The following LDB1 variants were observed in gnomAD, a reference collection of about 807,000 sequenced individuals.
The protein encoded by LDB1 is LIM domain binding 1.
A neutral mutation model predicts 49.7 loss-of-function variants in LDB1; 6 were observed. The observed-to-expected ratio is 0.12, with a 90% CI of 0.07 to 0.24. LDB1 has a LOEUF of 0.24. LDB1 is among the 10% of genes least tolerant of loss of function. LDB1 has a pLI of 1.00. For missense variants in LDB1, 341 were observed against 561.7 expected (o/e 0.61, Z 3.97); for synonymous variants, 233 against 202.0 (o/e 1.15, Z -1.30).
chr10:102,117,547 C>T lies in LDB1; in HGVS notation c.25+2539G>A, dbSNP rs2068350165. On this transcript the variant is annotated intron_variant, in intron 1 of 10. Coordinates refer to ENST00000673968, the MANE Select transcript of LDB1 (RefSeq NM_001113407.3). This position sits in a 1 kb window ranked among gnomAD's most constrained non-coding sequence, Gnocchi z 4.2. ...TACCAGCACTGCCCCCTGCCCGGGCCCCTGGGGCTCCCTGACCCAGGCCTC... is the reference window on the plus strand; with the variant it reads ...TACCAGCACTGCCCCCTGCCCGGGCTCCTGGGGCTCCCTGACCCAGGCCTC... 6.6e-6 allele frequency among the ~76,000 whole-genome samples: 1 copy of T among 152,118 alleles called. No homozygotes were observed. The highest frequency in any genetic ancestry group is 1.5e-5 in the Non-Finnish European group (1 of 68,006).
At chr10:102,114,495 A>T (rs2068304273) in intron 1 of LDB1, 1 of 986,172 alleles carries the variant, frequency 1.0e-6, no homozygotes, top group African/African-American at 1.7e-5. Context: ...ACGGGGGGAC[A>T]ACTTCAGCAG....
chr10:102,110,305 ATGAGGGCAGACTCT>A, intron 6 of LDB1: 1 of 623,758 alleles, frequency 1.6e-6, no homozygotes, highest in Non-Finnish European at 2.8e-6. Context: ...TCTAAGCTAT[ATGAGGGCAGACTCT>A]TGTTCACTCG....
rs2068399042 is a variant in LDB1 at position 102,120,199 on chromosome 10, C to A, written c.-89G>T. 9.5e-7 allele frequency: 1 copy of A among 1,052,260 alleles called. No homozygotes were observed. Among genetic ancestry groups the A allele is most frequent in the Non-Finnish European group, 1.1e-6 (1 of 872,890 alleles). The allele number at this position is 1,052,260 out of a possible 1,614,324, so 65.2% of individuals were successfully genotyped here. A position where few individuals can be genotyped will look rare whatever the true frequency, so the allele number is the denominator to read the frequency against. On this transcript the variant is annotated 5_prime_UTR_variant, in exon 1 of 11. Transcript: ENST00000673968. Reference sequence around the variant, plus strand: ...CCGGGCATGAGCCGCCGCCGCCGCCCGCGGCCCCCGCTGCGCTCGCCGCCG... The same window carrying A: ...CCGGGCATGAGCCGCCGCCGCCGCCAGCGGCCCCCGCTGCGCTCGCCGCCG...
At chr10:102,116,304 C>T (rs1329463014) in intron 1 of LDB1, among the ~76,000 whole-genome samples, 2 of 152,198 alleles carry the variant, frequency 1.3e-5, no homozygotes, top group Non-Finnish European at 2.9e-5. Flanking sequence ...GCCTCAGCCT[C>T]CTGAGTAGCT....
downstream of LDB1, among the ~76,000 whole-genome samples, chr10:102,103,910 A>C (rs529168221): frequency 4.0e-4 from 61 of 152,242 alleles, no homozygotes; most frequent in African/African-American, 1.4e-3. Flanking sequence ...AAAAATAAAA[A>C]ATAAAAAAAT....
Position 102,109,622 on chromosome 10 carries a change from T to A in LDB1, c.710A>T (p.Asn237Ile), listed in dbSNP as rs759369989. The change falls in exon 8 of 11, where the codon AAT becomes ATT. Residue 237 changes from asparagine to isoleucine, a missense_variant. Asn to Ile is a moderately radical substitution (Grantham distance 149). Coordinates refer to ENST00000673968, the MANE Select transcript of LDB1 (RefSeq NM_001113407.3). This position sits in a 1 kb window ranked among gnomAD's most constrained non-coding sequence, Gnocchi z 5.8. Reference protein sequence around the residue: ...SKNITRCGLSNSTLNYLRLCV... With the variant: ...SKNITRCGLSISTLNYLRLCV... ...CACTCGGAGGTAGTTGAGAGTGGAA[T>A]TGGACAGCCCACACCGAGTGATGTT... is the stretch of plus-strand genomic sequence containing the variant. The A allele has an allele frequency of 1.9e-6, 3 of 1,614,036 alleles. No homozygotes were observed. Among genetic ancestry groups the A allele is most frequent in the Non-Finnish European group, 1.7e-6 (2 of 1,179,982 alleles).
intron 6 of LDB1, chr10:102,110,290 C>A (rs560083613): frequency 1.6e-6 from 1 of 622,490 alleles, no homozygotes; most frequent in Admixed American, 3.0e-5. Context: ...GATACACCCA[C>A]CTGCTCTAAG....
intron 1 of LDB1, chr10:102,114,296 C>A: frequency 1.0e-6 from 1 of 982,254 alleles, no homozygotes; most frequent in Non-Finnish European, 1.2e-6. Context: ...GCCTGAGCGC[C>A]CCGGCGGCTC....
chr10:102,111,942 T>G (rs1000151858), intron 1 of LDB1, among the ~76,000 whole-genome samples: 7 of 152,120 alleles, frequency 4.6e-5, no homozygotes, highest in Non-Finnish European at 1.5e-5. Context: ...TGGAGCTCCC[T>G]GGCCTGATTA....
Position 102,107,998 on chromosome 10 carries a change from T to C in LDB1, c.*95A>G, listed in dbSNP as rs1324042489. The C allele has an allele frequency of 9.9e-7, 1 of 1,007,788 alleles. No homozygotes were observed. Among genetic ancestry groups the C allele is most frequent in the East Asian group, 2.4e-5 (1 of 42,058 alleles). 62.4% of individuals were successfully genotyped at this position (1,007,788 alleles called of 1,614,324 possible). A position where few individuals can be genotyped will look rare whatever the true frequency, so the allele number is the denominator to read the frequency against. On this transcript the variant is annotated 3_prime_UTR_variant, in exon 11 of 11. Coordinates refer to ENST00000673968, the MANE Select transcript of LDB1 (RefSeq NM_001113407.3). Reference sequence around the variant, plus strand: ...AGCGGGTGGATGGAGGCTGCCCATTTTAGATGCTCAGTCTCTTCATTCTGT... The same window carrying C: ...AGCGGGTGGATGGAGGCTGCCCATTCTAGATGCTCAGTCTCTTCATTCTGT...
Position 102,120,072 on chromosome 10 carries a change from C to T in LDB1, c.25+14G>A, listed in dbSNP as rs1287353411. 5.6e-6 allele frequency: 8 copies of T among 1,438,222 alleles called. No homozygotes were observed. In the African/African-American group the frequency reaches 8.9e-5, roughly 16 times the overall value. The allele number at this position is 1,438,222 out of a possible 1,614,324, so 89.1% of individuals were successfully genotyped here. ...TGGGCAGGAAGGGGCCGAGTGGCCG[C>T]ACGCCCCACTCACCAGGACAGGCAC... is the stretch of plus-strand genomic sequence containing the variant. On this transcript the variant is annotated intron_variant, in intron 1 of 10. Transcript: ENST00000673968.
chr10:102,114,660 G>T, intron 1 of LDB1: 1 of 936,464 alleles, frequency 1.1e-6, no homozygotes, highest in Non-Finnish European at 1.3e-6. Flanking sequence ...GGGCCAGGGG[G>T]CCGGCCTGGG....
At position 102,109,354 on chromosome 10, in the gene LDB1, T is replaced by C; in HGVS notation, c.856+30A>G. On this transcript the variant is annotated intron_variant, in intron 9 of 10. Transcript: ENST00000673968. The surrounding 1 kb of genome is among the most constrained non-coding windows in gnomAD (Gnocchi z 5.8). ...TACAGCTTTGGGGAGCGGTGTGAGA[T>C]CCTGGTAAGAGCAGGTGCAAGGCAC... The C allele has an allele frequency of 6.2e-7, 1 of 1,613,374 alleles. No individual in the cohort carries two copies. Among genetic ancestry groups the C allele is most frequent in the Non-Finnish European group, 8.5e-7 (1 of 1,179,858 alleles).
downstream of LDB1, among the ~76,000 whole-genome samples, chr10:102,106,017 T>C (rs2068156189): frequency 6.6e-6 from 1 of 152,016 alleles, no homozygotes; most frequent in Non-Finnish European, 1.5e-5. Context: ...TCAGCCAGGC[T>C]AGTAGACTGG....
At position 102,108,078 on chromosome 10, in the gene LDB1, C is replaced by A. The variant is rs1160899482; in HGVS notation, c.*15G>T. ...GGCAGGTAGGCAGAGCACTGGGTGG[C>A]CACAGCAGGGCCTTTTACTGGGAGG... On this transcript the variant is annotated 3_prime_UTR_variant, in exon 11 of 11. Transcript: ENST00000673968. 1 of 1,600,150 alleles carries A rather than the reference C, an allele frequency of 6.2e-7. No individual in the cohort carries two copies. Among genetic ancestry groups the A allele is most frequent in the South Asian group, 1.1e-5 (1 of 90,810 alleles).
At chr10:102,105,799 T>TA (rs1158468815), downstream of LDB1, among the ~76,000 whole-genome samples, 3,537 of 100,944 alleles carry the variant, frequency 0.035, 72 homozygotes, top group African/African-American at 0.048. Flanking sequence ...CTATCTCTAC[T>TA]AAAAAAAAAA....
chr10:102,104,187 C>T (rs779109514), downstream of LDB1, among the ~76,000 whole-genome samples: 4 of 152,010 alleles, frequency 2.6e-5, no homozygotes, highest in African/African-American at 7.2e-5. Context: ...CAGATCAGAC[C>T]GGGTCAGGAA....
At chr10:102,104,188 G>A (rs934678766), downstream of LDB1, among the ~76,000 whole-genome samples, 4 of 152,146 alleles carry the variant, frequency 2.6e-5, no homozygotes, top group African/African-American at 7.2e-5. Context: ...AGATCAGACC[G>A]GGTCAGGAAA....
chr10:102,113,056 G>C (rs530353990), intron 1 of LDB1, among the ~76,000 whole-genome samples: 27 of 152,088 alleles, frequency 1.8e-4, no homozygotes, highest in Non-Finnish European at 3.1e-4. Context: ...CATTTGGAAG[G>C]GTAGCTAGAT....
Sources: allele counts gnomAD v4.1 joint callset (sites outside exome capture counted in the v4.1 genomes callset), GRCh38; gene constraint gnomAD v4.1.1; non-coding constraint Gnocchi (gnomAD v3.1); transcripts MANE v1.5; gene names NCBI Gene and HGNC (gene_info 2026-07-23, HGNC 2026-07-21).